The following KLC1 variants were observed in gnomAD, a reference collection of about 807,000 sequenced individuals.
KLC1 encodes kinesin 2 60/70kDa.
A neutral mutation model predicts 84.2 loss-of-function variants in KLC1; 30 were observed. The observed-to-expected ratio is 0.36, with a 90% CI of 0.27 to 0.48. The LOEUF is 0.48. Ranked by LOEUF, KLC1 falls within the 20% of genes least tolerant of loss-of-function variation. The pLI, the probability that KLC1 is intolerant of heterozygous loss-of-function variation, is 0.99. For missense variants in KLC1, 499 were observed against 805.4 expected (o/e 0.62, Z 4.60); for synonymous variants, 289 against 293.3 (o/e 0.99, Z 0.15).
intron 2 of KLC1, among the ~76,000 whole-genome samples, chr14:103,655,053 C>T (rs1348870220): frequency 6.6e-6 from 1 of 151,904 alleles, no homozygotes; most frequent in East Asian, 1.9e-4. Context: ...ATAGCGAAAC[C>T]CTGACTCTAC....
chr14:103,629,415 C>CA lies in KLC1; in HGVS notation c.-80dup, dbSNP rs2076495622. 6.6e-6 allele frequency: 1 copy of CA among 152,130 alleles called. No homozygotes were observed. Among genetic ancestry groups the CA allele is most frequent in the Non-Finnish European group, 1.5e-5 (1 of 68,038 alleles). 9.4% of individuals were successfully genotyped at this position (152,130 alleles called of 1,614,324 possible). The stretch of plus-strand genomic sequence containing the variant: ...ACACAGCCGAGGCGGGCTCGGCGCA[C>CA]AGTCGCTGCTCCGCGCGCGCGCCCG... On this transcript the variant is annotated 5_prime_UTR_variant, in exon 1 of 17. Coordinates refer to ENST00000334553, the MANE Select transcript of KLC1 (RefSeq NM_001394837.1).
At chr14:103,697,824 G>A (rs1231783391) in intron 15 of KLC1, 1 of 152,362 alleles carries the variant, frequency 6.6e-6, no homozygotes, top group Non-Finnish European at 1.5e-5. Flanking sequence ...TTTCCAGCCA[G>A]ATGTAAGGCC....
At chr14:103,698,629 T>A in intron 15 of KLC1, 7 of 668,986 alleles carry the variant, frequency 1.0e-5, no homozygotes, top group Non-Finnish European at 1.8e-5. Flanking sequence ...CAGATGGGGG[T>A]CAGTCTGTGG....
chr14:103,690,746 GAAC>G (rs1332876549), intron 14 of KLC1, among the ~76,000 whole-genome samples: 4 of 152,198 alleles, frequency 2.6e-5, no homozygotes, highest in Admixed American at 6.5e-5. Flanking sequence ...TGGTGGTGGT[GAAC>G]AACGATAGTC....
chr14:103,645,717 A>G (rs568121275), intron 1 of KLC1, among the ~76,000 whole-genome samples: 1 of 152,078 alleles, frequency 6.6e-6, no homozygotes, highest in African/African-American at 2.4e-5. Flanking sequence ...GCAACTAAAC[A>G]TATCTAAACA....
intron 15 of KLC1, chr14:103,695,377 A>G (rs1301536809): frequency 2.2e-6 from 2 of 913,112 alleles, no homozygotes; most frequent in Non-Finnish European, 2.6e-6. Context: ...ATATATATAC[A>G]TATATAATTT....
chr14:103,665,857 G>A (rs535482751), intron 5 of KLC1, among the ~76,000 whole-genome samples: 68 of 152,310 alleles, frequency 4.5e-4, no homozygotes, highest in African/African-American at 1.5e-3. Context: ...TGCTTCTGCC[G>A]CACAGGCGCC....
intron 1 of KLC1, among the ~76,000 whole-genome samples, chr14:103,652,642 C>T (rs983540330): frequency 6.6e-6 from 1 of 152,200 alleles, no homozygotes; most frequent in African/African-American, 2.4e-5. Context: ...CAGGCGAGCG[C>T]CATCAGGCTC....
chr14:103,660,754 G>A (rs976948117), intron 3 of KLC1, among the ~76,000 whole-genome samples: 5 of 152,104 alleles, frequency 3.3e-5, no homozygotes, highest in African/African-American at 1.2e-4. Flanking sequence ...TCATGCCGCT[G>A]TACTCCAGCT....
chr14:103,652,985 A>C (rs540112652), intron 1 of KLC1, among the ~76,000 whole-genome samples: 1 of 152,312 alleles, frequency 6.6e-6, no homozygotes, highest in Non-Finnish European at 1.5e-5. Context: ...GCTTCACCCC[A>C]AAATCCTGGA....
intron 5 of KLC1, among the ~76,000 whole-genome samples, chr14:103,663,435 G>T (rs150894689): frequency 6.6e-6 from 1 of 152,236 alleles, no homozygotes; most frequent in Non-Finnish European, 1.5e-5. Context: ...GATGCTGCCC[G>T]TGACCACTCA....
At chr14:103,631,006 G>C (rs780917866) in intron 1 of KLC1, among the ~76,000 whole-genome samples, 10 of 152,168 alleles carry the variant, frequency 6.6e-5, no homozygotes, top group African/African-American at 2.4e-4. Flanking sequence ...AGCAAGGGGG[G>C]AGGGAATGAC....
rs1567034013 is a variant in KLC1 at position 103,679,467 on chromosome 14, C to T, written c.1572C>T (p.Ser524=). 3 of 1,614,130 alleles carry T rather than the reference C, an allele frequency of 1.9e-6. No homozygotes were observed. The highest frequency in any genetic ancestry group is 2.5e-6 in the Non-Finnish European group (3 of 1,180,020). Residue 524 remains serine, a synonymous_variant, in exon 13 of 17, where the codon AGC becomes AGT. Transcript: ENST00000334553. The part of the protein sequence containing the change: ...ENMEKRRSRE[S]LNVDVVKYES... Reference sequence around the variant, plus strand: ...TGGAGAAGCGCAGGAGCCGTGAGAGCCTCAACGTGGACGTGGTCAAGTACG... The same window carrying T: ...TGGAGAAGCGCAGGAGCCGTGAGAGTCTCAACGTGGACGTGGTCAAGTACG...
chr14:103,667,831 C>T (rs1366064277), intron 5 of KLC1, among the ~76,000 whole-genome samples: 6 of 152,214 alleles, frequency 3.9e-5, no homozygotes, highest in African/African-American at 1.4e-4. Flanking sequence ...CAGGCAGTTA[C>T]TACTACTCAA....
At chr14:103,645,003 C>T (rs2077795134) in intron 1 of KLC1, among the ~76,000 whole-genome samples, 1 of 151,102 alleles carries the variant, frequency 6.6e-6, no homozygotes, top group African/African-American at 2.4e-5. Context: ...CTTTGAGTTT[C>T]TTTCTTGTTG....
intron 12 of KLC1, among the ~76,000 whole-genome samples, chr14:103,678,847 A>G (rs1019597806): frequency 6.6e-6 from 1 of 152,234 alleles, no homozygotes; most frequent in Admixed American, 6.5e-5. Flanking sequence ...ACTGAAGATG[A>G]TATACAGATA....
At position 103,662,105 on chromosome 14, in the gene KLC1, C is replaced by T; in HGVS notation, c.493-11C>T. 1 of 1,606,050 alleles carries T rather than the reference C, an allele frequency of 6.2e-7. No homozygotes were observed. Among genetic ancestry groups the T allele is most frequent in the East Asian group, 2.2e-5 (1 of 44,830 alleles). ...TGTAAGATGAAGTGTTGTCCTGGGTCTGTTTTATAGGAGGACAAAGACACT... is the reference window on the plus strand; with the variant it reads ...TGTAAGATGAAGTGTTGTCCTGGGTTTGTTTTATAGGAGGACAAAGACACT... On this transcript the variant is annotated splice_polypyrimidine_tract_variant and intron_variant, in intron 3 of 16. Coordinates refer to ENST00000334553, the MANE Select transcript of KLC1 (RefSeq NM_001394837.1).
Position 103,674,448 on chromosome 14 carries a change from C to G in KLC1, c.1261+1017C>G, listed in dbSNP as rs1256005749. On this transcript the variant is annotated intron_variant, in intron 9 of 16. Coordinates refer to ENST00000334553, the MANE Select transcript of KLC1 (RefSeq NM_001394837.1). The stretch of plus-strand genomic sequence containing the variant: ...TTTTTTTTTGAGGTGGAATTTCGTT[C>G]TTGTTGCCCAGGCTGGAGTGCAATG... Among the ~76,000 whole-genome samples, 11 of 146,036 alleles carry G rather than the reference C, an allele frequency of 7.5e-5. No individual in the cohort carries two copies. In the Admixed American group the frequency reaches 7.6e-4, roughly 10 times the overall value.
At chr14:103,684,313 C>A (rs969633541) in intron 13 of KLC1, among the ~76,000 whole-genome samples, 17 of 152,198 alleles carry the variant, frequency 1.1e-4, no homozygotes, top group African/African-American at 4.1e-4. Flanking sequence ...CCTATTAATC[C>A]TGCTCAGGTA....
Sources: allele counts gnomAD v4.1 joint callset (sites outside exome capture counted in the v4.1 genomes callset), GRCh38; gene constraint gnomAD v4.1.1; transcripts MANE v1.5; gene names NCBI Gene and HGNC (gene_info 2026-07-23, HGNC 2026-07-21).